Variants in MID2 observed in about 807,000 individuals in gnomAD.
MID2 encodes the protein probable E3 ubiquitin-protein ligase MID2.
Under a neutral mutation model 46.1 loss-of-function variants are expected in MID2, and 13 were observed. The observed-to-expected ratio is 0.28, with a 90% confidence interval of 0.18 to 0.45. The LOEUF (loss-of-function observed/expected upper bound fraction) is 0.45, where lower values mean the gene tolerates loss of function less well. Ranked by LOEUF, MID2 falls within the 20% of genes least tolerant of loss-of-function variation. The pLI is 1.00. For missense variants in MID2, 431 were observed against 575.4 expected, an observed-to-expected ratio of 0.75 and a Z score of 2.57; for synonymous variants, 199 against 212.3, an observed-to-expected ratio of 0.94 and a Z score of 0.55.
At chrX:107,852,740 A>G (rs764303761) in intron 2 of MID2, among the ~76,000 whole-genome samples, 2 of 111,986 alleles carry the variant, frequency 1.8e-5, no homozygotes, top group Admixed American at 1.9e-4. Context: ...TCATGGGAAC[A>G]GTGCCAAAGA....
chrX:107,825,963 G>A lies in MID2; in HGVS notation c.-464G>A, dbSNP rs555017789. The stretch of plus-strand genomic sequence containing the variant: ...CGGCGGAAGGTGAGCCTGGGAAGGT[G>A]GCCGAGCACCCCTTCTTCTTGGGCC... On this transcript the variant is annotated 5_prime_UTR_variant, in exon 1 of 10. Coordinates refer to ENST00000262843, the MANE Select transcript of MID2 (RefSeq NM_012216.4). 33 of 265,739 alleles carry A rather than the reference G, an allele frequency of 1.2e-4. 1 individual carries two copies. The South Asian group carries it at 7.7e-3, about 62-fold the overall frequency. The allele number at this position is 265,739 out of a possible 1,213,427, so 21.9% of individuals were successfully genotyped here.
chrX:107,853,666 C>T (rs1569463656), intron 2 of MID2, among the ~76,000 whole-genome samples: 1 of 110,974 alleles, frequency 9.0e-6, no homozygotes, highest in African/African-American at 3.3e-5. Flanking sequence ...GGTGAAGCCT[C>T]GGTGCCAAAG....
chrX:107,925,801 A>G (rs1340440353), intron 8 of MID2, among the ~76,000 whole-genome samples: 1 of 111,256 alleles, frequency 9.0e-6, no homozygotes, highest in Non-Finnish European at 1.9e-5. Flanking sequence ...TGCTTGGAAT[A>G]TGACTTCCCT....
chrX:107,838,236 T>A (rs1214772339), intron 1 of MID2, among the ~76,000 whole-genome samples: 1 of 111,937 alleles, frequency 8.9e-6, no homozygotes, highest in Non-Finnish European at 1.9e-5. Flanking sequence ...TTTATAGACA[T>A]GTTGAGTTTG....
intron 3 of MID2, among the ~76,000 whole-genome samples, chrX:107,863,853 G>A (rs1217931412): frequency 1.8e-5 from 2 of 112,564 alleles, no homozygotes; most frequent in East Asian, 2.8e-4. Flanking sequence ...TCTGTGGTAC[G>A]GTAAGCAAGG....
intron 7 of MID2, 115 bp from the exon 8 acceptor site, chrX:107,924,228 A>G (rs1933127234): frequency 1.4e-6 from 1 of 738,122 alleles, no homozygotes; most frequent in Non-Finnish European, 2.0e-6. Flanking sequence ...AAGACTCAAA[A>G]GAAAACAAAA....
Position 107,877,423 on chromosome X carries a change from C to T in MID2, c.816+22719C>T, listed in dbSNP as rs1932224155. Among the ~76,000 whole-genome samples, 4 of 111,806 alleles carry T rather than the reference C, an allele frequency of 3.6e-5. No individual in the cohort carries two copies. In the South Asian group the frequency reaches 1.5e-3, roughly 42 times the overall value. On this transcript the variant is annotated intron_variant, in intron 3 of 9. Transcript: ENST00000262843. ...GGTGAAGATAGCTGGTTACCCATTC[C>T]GAAAGACAGGGAAATAGGTGTCTCT...
chrX:107,826,575 G>C, intron 1 of MID2, 145 bp downstream of exon 1: 1 of 729,659 alleles, frequency 1.4e-6, no homozygotes, highest in South Asian at 3.5e-5. Context: ...AGGGTGATGG[G>C]GCCCGCGAGG....
chrX:107,908,093 C>T (rs1044445018), intron 5 of MID2, among the ~76,000 whole-genome samples: 10 of 112,416 alleles, frequency 8.9e-5, no homozygotes, highest in African/African-American at 3.2e-4. Context: ...AGTCTAGTGC[C>T]ACAGTCTACA....
At chrX:107,925,968 T>A (rs1250648561) in intron 8 of MID2, 126 bp from the exon 9 acceptor site, 1 of 448,282 alleles carries the variant, frequency 2.2e-6, no homozygotes, top group Admixed American at 4.5e-5. Context: ...AGCAGCCAAC[T>A]TGCACTGGAC....
chrX:107,914,134 A>T lies in MID2; in HGVS notation c.1074-1868A>T, dbSNP rs777162664. Among the ~76,000 whole-genome samples the T allele has an allele frequency of 8.0e-5, 9 of 112,140 alleles. No homozygotes were observed. The Admixed American group carries it at 8.5e-4, about 11-fold the overall frequency. ...TAGCAGCACTTCTATTGCCCACGTA[A>T]TGTCTTTCTCCTTCATGATGTGTGA... On this transcript the variant is annotated intron_variant, in intron 5 of 9. Coordinates refer to ENST00000262843, the MANE Select transcript of MID2 (RefSeq NM_012216.4).
At chrX:107,890,888 A>G (rs1048345611) in intron 3 of MID2, among the ~76,000 whole-genome samples, 1 of 109,775 alleles carries the variant, frequency 9.1e-6, no homozygotes, top group Non-Finnish European at 1.9e-5. Context: ...GCAATTAGCG[A>G]GGCTCTGTGG....
chrX:107,905,099 CAAA>C (rs970854237), intron 4 of MID2, among the ~76,000 whole-genome samples: 1 of 111,290 alleles, frequency 9.0e-6, no homozygotes, highest in African/African-American at 3.3e-5. Context: ...TGTAAACAAA[CAAA>C]AATGTAAACA....
intron 1 of MID2, among the ~76,000 whole-genome samples, chrX:107,833,429 A>T (rs12847345): frequency 0.21 from 22,100 of 104,245 alleles, 2,191 homozygotes; most frequent in African/African-American, 0.38. Flanking sequence ...ATATATATAT[A>T]TTTTTTTTAA....
rs769211524 is a variant in MID2 at position 107,913,140 on chromosome X, G to A, written c.1074-2862G>A. Among the ~76,000 whole-genome samples the A allele has an allele frequency of 9.0e-5, 10 of 111,319 alleles. No individual in the cohort carries two copies. In the South Asian group the frequency reaches 3.8e-3, roughly 42 times the overall value. On this transcript the variant is annotated intron_variant, in intron 5 of 9. Coordinates refer to ENST00000262843, the MANE Select transcript of MID2 (RefSeq NM_012216.4). ...TCCATCATTAACATTTAGGAATATGGTATTCTAATATTTCTATTTAGATAT... is the reference window on the plus strand; with the variant it reads ...TCCATCATTAACATTTAGGAATATGATATTCTAATATTTCTATTTAGATAT...
chrX:107,882,264 C>G (rs1404274137), intron 3 of MID2, among the ~76,000 whole-genome samples: 2 of 111,825 alleles, frequency 1.8e-5, no homozygotes, highest in Non-Finnish European at 1.9e-5. Context: ...AGAAGAAAAC[C>G]TAGGCAATAC....
intron 3 of MID2, among the ~76,000 whole-genome samples, chrX:107,883,693 A>G (rs775691761): frequency 8.9e-6 from 1 of 112,291 alleles, no homozygotes; most frequent in Non-Finnish European, 1.9e-5. Flanking sequence ...CCCATGCCCA[A>G]TTTATCTTCC....
At chrX:107,925,639 T>C (rs1295931683) in intron 8 of MID2, among the ~76,000 whole-genome samples, 1 of 111,535 alleles carries the variant, frequency 9.0e-6, no homozygotes, top group Non-Finnish European at 1.9e-5. Flanking sequence ...ACCTCAGACA[T>C]CATAACACTC....
intron 2 of MID2, among the ~76,000 whole-genome samples, chrX:107,851,443 C>A (rs151034854): frequency 9.0e-6 from 1 of 111,648 alleles, no homozygotes; most frequent in Non-Finnish European, 1.9e-5. Context: ...AAACACATTT[C>A]TTTCAATTAT....
Sources: allele counts gnomAD v4.1 joint callset (sites outside exome capture counted in the v4.1 genomes callset), GRCh38; gene constraint gnomAD v4.1.1; transcripts MANE v1.5; gene names NCBI Gene and HGNC (gene_info 2026-07-23, HGNC 2026-07-21).